GRIK2: variants seen among roughly 807,000 people sequenced by gnomAD.
The protein encoded by GRIK2 is glutamate ionotropic receptor kainate type subunit 2, also known as glutamate receptor ionotropic, kainate 2.
Under a neutral mutation model 100.3 loss-of-function variants are expected in GRIK2, and 32 were observed. That is an observed-to-expected ratio of 0.32 (90% CI 0.24 to 0.43). The LOEUF is 0.43. Among genes scored for constraint, GRIK2 ranks in the 20% least tolerant of loss-of-function variants. The probability of loss-of-function intolerance (pLI) is 1.00; values close to 1 mark genes in which losing one functional copy is unlikely to be tolerated. For synonymous variants in GRIK2, 417 were observed against 389.4 expected, an observed-to-expected ratio of 1.07 and a Z score of -0.83; for missense variants, 843 against 1,114.9, an observed-to-expected ratio of 0.76 and a Z score of 3.47.
chr6:101,401,247 C>T (rs1473230941), intron 2 of GRIK2, among the ~76,000 whole-genome samples: 2 of 152,196 alleles, frequency 1.3e-5, no homozygotes, highest in African/African-American at 4.8e-5. Context: ...TATTGCCGCT[C>T]TGGTCTTGCA....
At chr6:101,662,643 A>G (rs1043745115) in intron 4 of GRIK2, among the ~76,000 whole-genome samples, 1 of 151,960 alleles carries the variant, frequency 6.6e-6, no homozygotes, top group Non-Finnish European at 1.5e-5. Flanking sequence ...TTCTCATACC[A>G]TGGTGTTTTC....
At chr6:101,615,222 G>A (rs1054393844) in intron 2 of GRIK2, among the ~76,000 whole-genome samples, 2 of 151,666 alleles carry the variant, frequency 1.3e-5, no homozygotes, top group East Asian at 3.9e-4. Flanking sequence ...AAAGAATTGC[G>A]GGCATTTTAT....
At chr6:101,977,607 G>A (rs965617611) in intron 14 of GRIK2, among the ~76,000 whole-genome samples, 1 of 152,008 alleles carries the variant, frequency 6.6e-6, no homozygotes, top group Non-Finnish European at 1.5e-5. Flanking sequence ...GTCATTGGCT[G>A]TGAGCAGAGC....
chr6:101,632,827 A>G (rs558644106), intron 4 of GRIK2, among the ~76,000 whole-genome samples: 2 of 152,188 alleles, frequency 1.3e-5, no homozygotes, highest in Admixed American at 6.6e-5. Context: ...CAGAGAGGCA[A>G]GAAAACAGCA....
At chr6:101,528,521 CTATTA>C (rs1389013057) in intron 2 of GRIK2, among the ~76,000 whole-genome samples, 6 of 151,988 alleles carry the variant, frequency 3.9e-5, no homozygotes, top group African/African-American at 1.4e-4. Context: ...CTGTGAAACT[CTATTA>C]TATTTTCTGA....
At chr6:101,619,747 G>A (rs142842951) in intron 2 of GRIK2, among the ~76,000 whole-genome samples, 104 of 151,774 alleles carry the variant, frequency 6.9e-4, no homozygotes, top group Middle Eastern at 3.4e-3. Flanking sequence ...TTTTAGTTAC[G>A]TCTTATTAAG....
chr6:101,968,196 A>C (rs1344765796), intron 14 of GRIK2, among the ~76,000 whole-genome samples: 1 of 152,106 alleles, frequency 6.6e-6, no homozygotes, highest in Non-Finnish European at 1.5e-5. Context: ...GATTTTATTC[A>C]ATTATTAATT....
chr6:101,501,813 C>G (rs1429695804), intron 2 of GRIK2, among the ~76,000 whole-genome samples: 2 of 151,952 alleles, frequency 1.3e-5, no homozygotes, highest in African/African-American at 4.8e-5. Context: ...GCTGGAGTGC[C>G]CTGGCTTGAT....
At chr6:101,493,958 ATATT>A (rs1369690750) in intron 2 of GRIK2, among the ~76,000 whole-genome samples, 5 of 139,678 alleles carry the variant, frequency 3.6e-5, no homozygotes, top group African/African-American at 5.1e-5. Context: ...TATAATATAT[ATATT>A]TTATATATAA....
At chr6:101,591,842 A>T (rs1030185932) in intron 2 of GRIK2, among the ~76,000 whole-genome samples, 1 of 152,012 alleles carries the variant, frequency 6.6e-6, no homozygotes, top group Non-Finnish European at 1.5e-5. Flanking sequence ...TTTTAGTCAG[A>T]GATTATATTC....
intron 2 of GRIK2, among the ~76,000 whole-genome samples, chr6:101,482,749 G>A (rs1014710433): frequency 4.0e-5 from 6 of 151,822 alleles, no homozygotes; most frequent in South Asian, 2.1e-4. Context: ...TAGGAAGGAG[G>A]AAGAAGTAAC....
intron 2 of GRIK2, among the ~76,000 whole-genome samples, chr6:101,550,146 G>T (rs1776435565): frequency 6.6e-6 from 1 of 152,150 alleles, no homozygotes. Flanking sequence ...TTTTTTACTA[G>T]CAGGAGAATA....
intron 2 of GRIK2, among the ~76,000 whole-genome samples, chr6:101,597,634 A>G (rs1297501176): frequency 6.6e-6 from 1 of 151,722 alleles, no homozygotes; most frequent in South Asian, 2.1e-4. Flanking sequence ...TGTTGAATGA[A>G]TTAATTTAGA....
chr6:101,882,698 A>G (rs1178616459), intron 11 of GRIK2, among the ~76,000 whole-genome samples: 1 of 152,146 alleles, frequency 6.6e-6, no homozygotes, highest in Non-Finnish European at 1.5e-5. Context: ...AAAATGAACT[A>G]AATTAATATT....
At chr6:101,912,163 G>T (rs1172003381) in intron 12 of GRIK2, among the ~76,000 whole-genome samples, 1 of 150,448 alleles carries the variant, frequency 6.6e-6, no homozygotes, top group Non-Finnish European at 1.5e-5. Context: ...ATAATCTGTT[G>T]TATCAAGACA....
At chr6:101,671,639 G>A (rs184633523) in intron 4 of GRIK2, among the ~76,000 whole-genome samples, 44 of 152,282 alleles carry the variant, frequency 2.9e-4, no homozygotes, top group Admixed American at 2.9e-3. Flanking sequence ...GCCAAGGCGG[G>A]TGGATCGTGA....
chr6:101,833,679 T>C (rs1782854493), intron 10 of GRIK2, among the ~76,000 whole-genome samples: 1 of 148,730 alleles, frequency 6.7e-6, no homozygotes, highest in Admixed American at 6.7e-5. Flanking sequence ...ATTGTACTTA[T>C]TATGATTAAT....
At chr6:101,645,197 A>C (rs1395098868) in intron 4 of GRIK2, among the ~76,000 whole-genome samples, 1 of 151,690 alleles carries the variant, frequency 6.6e-6, no homozygotes, top group Non-Finnish European at 1.5e-5. Flanking sequence ...CCATAATCTT[A>C]CCCAAATGAG....
intron 2 of GRIK2, among the ~76,000 whole-genome samples, chr6:101,506,631 G>A (rs1316083741): frequency 6.6e-6 from 1 of 152,084 alleles, no homozygotes; most frequent in East Asian, 1.9e-4. Flanking sequence ...TAACTGCGTA[G>A]ACTAATGACA....
Sources: allele counts gnomAD v4.1 joint callset (sites outside exome capture counted in the v4.1 genomes callset), GRCh38; gene constraint gnomAD v4.1.1; transcripts MANE v1.5; gene names NCBI Gene and HGNC (gene_info 2026-07-23, HGNC 2026-07-21).